SCIMP: variants seen among roughly 807,000 people sequenced by gnomAD.
SCIMP encodes SLP adapter and CSK-interacting membrane protein.
Under a neutral mutation model 22.0 loss-of-function variants are expected in SCIMP, and 18 were observed. The ratio of observed to expected loss-of-function variants is 0.82; its 90% confidence interval spans 0.56 to 1.21. The LOEUF (loss-of-function observed/expected upper bound fraction) is 1.21. Among genes scored for constraint, SCIMP ranks in the 50% most tolerant of loss-of-function variants. The probability of loss-of-function intolerance (pLI) is 0.00; values close to 1 mark genes in which losing one functional copy is unlikely to be tolerated. For missense variants in SCIMP, 155 were observed against 171.2 expected, an observed-to-expected ratio of 0.91 and a Z score of 0.53; for synonymous variants, 53 against 62.2, an observed-to-expected ratio of 0.85 and a Z score of 0.70.
intron 2 of SCIMP, among the ~76,000 whole-genome samples, chr17:5,221,916 G>A (rs779689963): frequency 6.6e-6 from 1 of 151,910 alleles, no homozygotes; most frequent in African/African-American, 2.4e-5. Flanking sequence ...GACGTTACAG[G>A]TGCCTGCCAC....
chr17:5,218,142 C>G (rs1337537565), intron 3 of SCIMP, among the ~76,000 whole-genome samples: 1 of 151,850 alleles, frequency 6.6e-6, no homozygotes, highest in Non-Finnish European at 1.5e-5. Flanking sequence ...CCTCCCACCT[C>G]AGCCTCCCAA....
intron 3 of SCIMP, among the ~76,000 whole-genome samples, chr17:5,219,267 C>T (rs1025576027): frequency 2.0e-5 from 3 of 151,296 alleles, no homozygotes; most frequent in African/African-American, 4.9e-5. Flanking sequence ...TGTGGTGAGC[C>T]GAGATCGCGC....
chr17:5,214,630 G>A (rs919946737), intron 4 of SCIMP: 23 of 301,280 alleles, frequency 7.6e-5, no homozygotes, highest in African/African-American at 4.6e-4. Flanking sequence ...CACGAGGTCA[G>A]GAGATCGAGA....
At position 5,227,292 on chromosome 17, in the gene SCIMP, A is replaced by AACACACACACACACAC. The variant is rs10681110; in HGVS notation, c.22-3852_22-3837dup. ...CCTGTCTCTATATACACACACACACAACACACACACACACACACACACACA... is the reference window on the plus strand; with the variant it reads ...CCTGTCTCTATATACACACACACACAACACACACACACACACACACACACACACACACACACACACA... On this transcript the variant is annotated intron_variant, in intron 1 of 4. Transcript: ENST00000574081. Among the ~76,000 whole-genome samples the AACACACACACACACAC allele has an allele frequency of 9.9e-3, 1,432 of 144,288 alleles. 26 individuals are homozygous for AACACACACACACACAC. Among genetic ancestry groups the AACACACACACACACAC allele is most frequent in the African/African-American group, 0.031 (1,191 of 38,502 alleles). The allele number at this position is 144,288 out of a possible 152,430, so 94.7% of individuals were successfully genotyped here. A position where few individuals can be genotyped will look rare whatever the true frequency, so the allele number is the denominator to read the frequency against.
intron 3 of SCIMP, among the ~76,000 whole-genome samples, chr17:5,218,753 C>T (rs1195096747): frequency 6.6e-6 from 1 of 152,118 alleles, no homozygotes; most frequent in East Asian, 1.9e-4. Context: ...TTTGCTGGAT[C>T]CCTGAAGCTA....
Position 5,234,793 on chromosome 17 carries a change from T to C in SCIMP, c.-38A>G, listed in dbSNP as rs923476243. On this transcript the variant is annotated 5_prime_UTR_variant, in exon 1 of 5. Transcript: ENST00000574081. Reference sequence around the variant, plus strand: ...AAGGAGACAGCAGTGGCTGGAGTGCTGCAGCTCAGGCACAGCTGGTGAGAG... The same window carrying C: ...AAGGAGACAGCAGTGGCTGGAGTGCCGCAGCTCAGGCACAGCTGGTGAGAG... 5 of 1,599,236 alleles carry C rather than the reference T, an allele frequency of 3.1e-6. No individual in the cohort carries two copies. The African/African-American group carries it at 6.7e-5, about 21-fold the overall frequency.
In SCIMP at chr17:5,210,138, C is replaced by G. The variant is rs1234272598; in HGVS notation, c.*663G>C. 1 of 152,062 alleles carries G rather than the reference C, an allele frequency of 6.6e-6. No homozygotes were observed. Among genetic ancestry groups the G allele is most frequent in the Admixed American group, 6.6e-5 (1 of 15,254 alleles). The allele number at this position is 152,062 out of a possible 1,614,324, so 9.4% of individuals were successfully genotyped here. A position where few individuals can be genotyped will look rare whatever the true frequency, so the allele number is the denominator to read the frequency against. ...ACAACTTGCAAGCACGGGGAGAAAA[C>G]CTAGGTGAAAACTCAAATCTCTATG... On this transcript the variant is annotated 3_prime_UTR_variant, in exon 5 of 5. Coordinates refer to ENST00000574081, the MANE Select transcript of SCIMP (RefSeq NM_207103.3).
chr17:5,212,224 C>G (rs1174887213), intron 4 of SCIMP, among the ~76,000 whole-genome samples: 3 of 152,242 alleles, frequency 2.0e-5, no homozygotes, highest in African/African-American at 7.2e-5. Context: ...TTGCAGAACT[C>G]TGCAGTTTGA....
chr17:5,212,452 GTGAAACCCC>G, intron 4 of SCIMP, among the ~76,000 whole-genome samples: 1 of 152,268 alleles, frequency 6.6e-6, no homozygotes, highest in South Asian at 2.1e-4. Flanking sequence ...TGCTAACATG[GTGAAACCCC>G]ATCTCTACTA....
At chr17:5,231,754 C>A (rs1277175080) in intron 1 of SCIMP, among the ~76,000 whole-genome samples, 1 of 152,160 alleles carries the variant, frequency 6.6e-6, no homozygotes, top group East Asian at 1.9e-4. Flanking sequence ...GCATTCTGTG[C>A]TGCAAAACTG....
chr17:5,223,707 G>C (rs543514162), intron 1 of SCIMP: 5 of 402,442 alleles, frequency 1.2e-5, no homozygotes, highest in South Asian at 1.1e-4. Context: ...CTGCCACCAC[G>C]CCTGGCTAAT....
intron 3 of SCIMP, among the ~76,000 whole-genome samples, chr17:5,216,838 G>C (rs761349654): frequency 6.6e-6 from 1 of 152,080 alleles, no homozygotes; most frequent in Non-Finnish European, 1.5e-5. Flanking sequence ...TGTTGAGTTC[G>C]TGGAAATTCA....
At position 5,214,998 on chromosome 17, in the gene SCIMP, C is replaced by T. The variant is rs759770890; in HGVS notation, c.210G>A (p.Glu70=). The change falls in exon 4 of 5, where the codon GAG becomes GAA. Residue 70 remains glutamate (E), a splice_region_variant and synonymous_variant. Coordinates refer to ENST00000574081, the MANE Select transcript of SCIMP (RefSeq NM_207103.3). ...HKQVDEEKMY[E]NVLNESPVQL... is the part of the protein sequence containing the mutation. ...GAACTGGCGACTCATTAAGAACATT[C>T]CTAGAGAGAGAGAAAGAGAGAGAAT... 3 of 1,602,784 alleles carry T rather than the reference C, an allele frequency of 1.9e-6. No individual in the cohort carries two copies. The Admixed American group carries it at 5.0e-5, about 27-fold the overall frequency.
intron 1 of SCIMP, among the ~76,000 whole-genome samples, chr17:5,230,008 A>T (rs1390319006): frequency 2.0e-5 from 3 of 151,512 alleles, no homozygotes; most frequent in Non-Finnish European, 4.4e-5. Flanking sequence ...AGACAAAAAA[A>T]TGTTGTAGAC....
At chr17:5,230,852 A>T (rs1002019201) in intron 1 of SCIMP, among the ~76,000 whole-genome samples, 5 of 152,180 alleles carry the variant, frequency 3.3e-5, no homozygotes, top group African/African-American at 7.2e-5. Flanking sequence ...AGGTGGGAGG[A>T]TGGCTTGACT....
intron 3 of SCIMP, chr17:5,215,210 T>C (rs1437998639): frequency 1.3e-5 from 7 of 520,482 alleles, no homozygotes; most frequent in Non-Finnish European, 6.9e-6. Context: ...TGGAAATGGC[T>C]GAAAATGAGG....
At chr17:5,224,157 C>T (rs1208729916) in intron 1 of SCIMP, among the ~76,000 whole-genome samples, 3 of 152,054 alleles carry the variant, frequency 2.0e-5, no homozygotes, top group African/African-American at 4.8e-5. Context: ...TTTCTTGAGA[C>T]GGAGTCTCGC....
chr17:5,229,384 C>CTT lies in SCIMP; in HGVS notation c.21+5349_21+5350dup, dbSNP rs71151849. Among the ~76,000 whole-genome samples, 77 of 59,312 alleles carry CTT rather than the reference C, an allele frequency of 1.3e-3. 8 individuals are homozygous for CTT. Among genetic ancestry groups the CTT allele is most frequent in the African/African-American group, 3.9e-3 (53 of 13,664 alleles). 38.9% of individuals were successfully genotyped at this position (59,312 alleles called of 152,430 possible). On this transcript the variant is annotated intron_variant, in intron 1 of 4. Coordinates refer to ENST00000574081, the MANE Select transcript of SCIMP (RefSeq NM_207103.3). ...TTTCTGAGACTGTGGGTTTATTTAGCTTTTTTTTTTTTTTTTTTTTTTTTT... is the reference window on the plus strand; with the variant it reads ...TTTCTGAGACTGTGGGTTTATTTAGCTTTTTTTTTTTTTTTTTTTTTTTTTTT...
intron 1 of SCIMP, among the ~76,000 whole-genome samples, chr17:5,233,378 G>GTTTT (rs911049809): frequency 5.9e-5 from 9 of 151,504 alleles, no homozygotes; most frequent in Admixed American, 2.0e-4. Context: ...TCAGTAGTTT[G>GTTTT]TTTGTTTGTT....
Sources: allele counts gnomAD v4.1 joint callset (sites outside exome capture counted in the v4.1 genomes callset), GRCh38; gene constraint gnomAD v4.1.1; transcripts MANE v1.5; gene names NCBI Gene and HGNC (gene_info 2026-07-23, HGNC 2026-07-21).